Variants in CCDC27 observed in about 807,000 individuals in gnomAD.
CCDC27 encodes coiled-coil domain containing 27.
A neutral mutation model predicts 80.3 loss-of-function variants in CCDC27; 80 were observed. That is an observed-to-expected ratio of 1.00 (90% CI 0.83 to 1.20). The LOEUF is 1.20. Among genes scored for constraint, CCDC27 ranks in the 50% most tolerant of loss-of-function variants. CCDC27 has a pLI of 0.00. For synonymous variants in CCDC27, 342 were observed against 334.3 expected (o/e 1.02, Z -0.25); for missense variants, 815 against 809.4 (o/e 1.01, Z -0.08).
intron 2 of CCDC27, among the ~76,000 whole-genome samples, chr1:3,754,571 A>C (rs1642907018): frequency 6.6e-6 from 1 of 152,176 alleles, no homozygotes; most frequent in Non-Finnish European, 1.5e-5. Context: ...GCTTCAGGAA[A>C]GAACCCCATA....
At chr1:3,754,370 G>T (rs918866410) in intron 2 of CCDC27, 129 bp downstream of exon 2, 2 of 1,236,584 alleles carry the variant, frequency 1.6e-6, no homozygotes, top group African/African-American at 1.6e-5. Flanking sequence ...CCCAGCTGCT[G>T]CTTTTGAAAT....
At chr1:3,754,086 C>T (rs1007910654) in intron 1 of CCDC27, 32 bp from the exon 2 acceptor site, 3 of 1,607,674 alleles carry the variant, frequency 1.9e-6, no homozygotes, top group Non-Finnish European at 2.5e-6. Context: ...CAGGGGCCTT[C>T]CTTGTCTGTC....
chr1:3,767,340 C>G lies in CCDC27; in HGVS notation c.1638C>G (p.His546Gln), dbSNP rs774479649. 1.1e-5 allele frequency: 18 copies of G among 1,613,860 alleles called. No homozygotes were observed. Among genetic ancestry groups the G allele is most frequent in the Non-Finnish European group, 1.5e-5 (18 of 1,180,018 alleles). The change falls in exon 10 of 12, where the codon CAC becomes CAG. Residue 546 changes from histidine to glutamine, a missense_variant. Transcript: ENST00000294600. Reference protein sequence around the residue: ...LQEQVELDQNHLQRWKQLQED... With the variant: ...LQEQVELDQNQLQRWKQLQED... Reference sequence around the variant, plus strand: ...AGCAGGTGGAACTGGACCAGAACCACCTGCAGAGGTGGAAGCAGCTGCAGG... The same window carrying G: ...AGCAGGTGGAACTGGACCAGAACCAGCTGCAGAGGTGGAAGCAGCTGCAGG...
chr1:3,764,200 G>T (rs1643172516), intron 8 of CCDC27, among the ~76,000 whole-genome samples: 1 of 152,152 alleles, frequency 6.6e-6, no homozygotes, highest in African/African-American at 2.4e-5. Context: ...ACTCCACTGA[G>T]CCCACTCTTG....
chr1:3,754,282 C>T (rs370072316), intron 2 of CCDC27, 41 bp downstream of exon 2: 2 of 1,535,774 alleles, frequency 1.3e-6, no homozygotes, highest in Non-Finnish European at 1.8e-6. Context: ...AACTGCCTGT[C>T]AGAGTCGAGG....
Position 3,763,931 on chromosome 1 carries a change from T to TCTA in CCDC27, c.1452+98_1452+100dup. 1 of 1,506,286 alleles carries TCTA rather than the reference T, an allele frequency of 6.6e-7. No individual in the cohort carries two copies. The highest frequency in any genetic ancestry group is 2.4e-5 in the East Asian group (1 of 41,592). The allele number at this position is 1,506,286 out of a possible 1,614,324, so 93.3% of individuals were successfully genotyped here. A position where few individuals can be genotyped will look rare whatever the true frequency, so the allele number is the denominator to read the frequency against. ...CTCGGGGCAGGCGCTGCCCGTCCCA[T>TCTA]CTACTGATGGAGACTTTGAGCCTGG... On this transcript the variant is annotated intron_variant, in intron 8 of 11. Coordinates refer to ENST00000294600, the MANE Select transcript of CCDC27 (RefSeq NM_152492.3). The surrounding 1 kb of genome is among the most constrained non-coding windows in gnomAD (Gnocchi z 7.5).
At chr1:3,762,751 C>T (rs1643118768) in intron 6 of CCDC27, 39 bp downstream of exon 6, 1 of 1,525,992 alleles carries the variant, frequency 6.6e-7, no homozygotes, top group East Asian at 2.5e-5. Flanking sequence ...AGTGGGGGAC[C>T]CGGGCCCAGG....
intron 1 of CCDC27, among the ~76,000 whole-genome samples, 179 bp downstream of exon 1, chr1:3,752,978 C>T (rs147845015): frequency 4.3e-4 from 65 of 152,338 alleles, no homozygotes; most frequent in African/African-American, 1.2e-3. Context: ...AAGAGCCCTG[C>T]GGTCCTCTCC....
intron 10 of CCDC27, among the ~76,000 whole-genome samples, chr1:3,767,816 G>A (rs930236259): frequency 1.3e-5 from 2 of 152,228 alleles, no homozygotes; most frequent in African/African-American, 4.8e-5. Flanking sequence ...GTGCTTGCTG[G>A]ACCAGGCACC....
At chr1:3,765,329 G>T (rs927787632) in intron 8 of CCDC27, among the ~76,000 whole-genome samples, 1 of 152,124 alleles carries the variant, frequency 6.6e-6, no homozygotes, top group South Asian at 2.1e-4. Flanking sequence ...TTTATTGAGG[G>T]TGTGTTTTCA....
intron 10 of CCDC27, among the ~76,000 whole-genome samples, chr1:3,767,907 T>C (rs546448224): frequency 6.6e-6 from 1 of 152,216 alleles, no homozygotes; most frequent in South Asian, 2.1e-4. Flanking sequence ...CCTCACTTAG[T>C]AGACAAATAG....
At chr1:3,767,625 G>C (rs570321718) in intron 10 of CCDC27, among the ~76,000 whole-genome samples, 180 bp downstream of exon 10, 1 of 152,366 alleles carries the variant, frequency 6.6e-6, no homozygotes, top group South Asian at 2.1e-4. Context: ...GGTAGAGGAC[G>C]GAGTGAGAGT....
rs1011728313 is a variant in CCDC27 at position 3,756,552 on chromosome 1, C to G, written c.554-181C>G. ...TGTGGGCGCCCCATCGTGTTCACAG[C>G]AGCACCACACTGTGTCCTCAAAATG... On this transcript the variant is annotated intron_variant, in intron 3 of 11. Coordinates refer to ENST00000294600, the MANE Select transcript of CCDC27 (RefSeq NM_152492.3). 11 of 610,354 alleles carry G rather than the reference C, an allele frequency of 1.8e-5. No homozygotes were observed. In the African/African-American group the frequency reaches 2.0e-4, roughly 11 times the overall value. 37.8% of individuals were successfully genotyped at this position (610,354 alleles called of 1,614,324 possible).
At chr1:3,752,852 T>C in intron 1 of CCDC27, 53 bp downstream of exon 1, 1 of 1,551,862 alleles carries the variant, frequency 6.4e-7, no homozygotes. Flanking sequence ...ACCTGTTTCT[T>C]CTCCTCCCCA....
chr1:3,756,357 A>G (rs1246637564), intron 3 of CCDC27: 3 of 160,084 alleles, frequency 1.9e-5, no homozygotes, highest in African/African-American at 4.8e-5. Flanking sequence ...AAAAAAAAAA[A>G]AGAGAGATGG....
intron 3 of CCDC27, chr1:3,755,878 C>T (rs375439170): frequency 6.3e-6 from 2 of 316,594 alleles, no homozygotes; most frequent in Non-Finnish European, 1.2e-5. Context: ...AGAGACCCCC[C>T]GGGACACTGC....
chr1:3,752,748 A>T lies in CCDC27; in HGVS notation c.267A>T (p.Pro89=). 6.2e-7 allele frequency: 1 copy of T among 1,613,694 alleles called. No homozygotes were observed. ...RCPEWKPHQK[P]RTLSKSVQTI... ...CAGAATGGAAACCGCACCAAAAGCCACGCACGCTCAGCAAGTCGGTCCAGA... is the reference window on the plus strand; with the variant it reads ...CAGAATGGAAACCGCACCAAAAGCCTCGCACGCTCAGCAAGTCGGTCCAGA... Residue 89 remains proline (P), a synonymous_variant, in exon 1 of 12, where the codon CCA becomes CCT. Coordinates refer to ENST00000294600, the MANE Select transcript of CCDC27 (RefSeq NM_152492.3).
intron 1 of CCDC27, among the ~76,000 whole-genome samples, chr1:3,753,570 A>T (rs1362706002): frequency 6.6e-6 from 1 of 152,084 alleles, no homozygotes; most frequent in Non-Finnish European, 1.5e-5. Flanking sequence ...TCCCAACCTC[A>T]TGTGATCTGC....
intron 8 of CCDC27, among the ~76,000 whole-genome samples, chr1:3,765,506 C>T (rs1181874): frequency 3.3e-5 from 5 of 152,158 alleles, no homozygotes; most frequent in African/African-American, 4.8e-5. Flanking sequence ...TGTCTCTTAC[C>T]GATACTTTCT....
Sources: gnomAD v4.1 joint callset for allele counts (sites outside exome capture counted in the v4.1 genomes callset) on GRCh38, gnomAD v4.1.1 for gene constraint, Gnocchi (gnomAD v3.1) non-coding constraint, MANE v1.5 for transcripts, NCBI Gene and HGNC (gene_info 2026-07-23, HGNC 2026-07-21) for gene names.